Variants in EDAR observed in about 807,000 individuals in gnomAD.
EDAR encodes the protein ectodysplasin A receptor, also known as tumor necrosis factor receptor superfamily member EDAR.
In EDAR, 38 loss-of-function variants were observed where a neutral mutation model predicts 51.3. The ratio of observed to expected loss-of-function variants is 0.74; its 90% CI spans 0.57 to 0.97. EDAR has a LOEUF of 0.97. Among genes scored for constraint, EDAR ranks in the 50% least tolerant of loss-of-function variants. EDAR has a pLI of 0.00. For synonymous variants in EDAR, 227 were observed against 242.1 expected, an observed-to-expected ratio of 0.94 and a Z score of 0.58; for missense variants, 528 against 595.0, an observed-to-expected ratio of 0.89 and a Z score of 1.17.
At chr2:108,970,869 C>T (rs908452467) in intron 1 of EDAR, among the ~76,000 whole-genome samples, 1 of 152,160 alleles carries the variant, frequency 6.6e-6, no homozygotes, top group Admixed American at 6.5e-5. Flanking sequence ...GGGGAATAGT[C>T]TACAGGACTG....
At chr2:108,904,379 A>G (rs778159436) in intron 11 of EDAR, among the ~76,000 whole-genome samples, 14 of 152,234 alleles carry the variant, frequency 9.2e-5, no homozygotes, top group Non-Finnish European at 1.9e-4. Context: ...AAAATGGTAC[A>G]ATAACTTTAG....
intron 4 of EDAR, 51 bp from the exon 5 acceptor site, chr2:108,923,504 C>T (rs767913764): frequency 3.9e-6 from 6 of 1,555,838 alleles, no homozygotes; most frequent in South Asian, 1.1e-5. Flanking sequence ...GGACAGCACA[C>T]AGGCAGGGAC....
At chr2:108,908,372 T>G (rs375443545) in intron 9 of EDAR, among the ~76,000 whole-genome samples, 7 of 152,208 alleles carry the variant, frequency 4.6e-5, no homozygotes, top group African/African-American at 1.7e-4. Context: ...GTCCTAGATC[T>G]CTGTATTTAA....
chr2:108,921,780 G>C (rs1345386306), intron 5 of EDAR, among the ~76,000 whole-genome samples: 1 of 152,224 alleles, frequency 6.6e-6, no homozygotes, highest in East Asian at 1.9e-4. Flanking sequence ...CCACCCCAAG[G>C]CCTATCTGGC....
At chr2:108,931,075 C>T in intron 1 of EDAR, 43 bp from the exon 2 acceptor site, 1 of 1,563,794 alleles carries the variant, frequency 6.4e-7, no homozygotes, top group Non-Finnish European at 8.8e-7. Flanking sequence ...CGGTAGCACC[C>T]CAGCCGGGGG....
intron 1 of EDAR, among the ~76,000 whole-genome samples, chr2:108,972,627 G>A (rs1698256518): frequency 6.6e-6 from 1 of 152,270 alleles, no homozygotes; most frequent in Non-Finnish European, 1.5e-5. Flanking sequence ...GCACAAGGGT[G>A]ACGGGTGTCT....
At chr2:108,918,624 G>A (rs1443942836) in intron 5 of EDAR, among the ~76,000 whole-genome samples, 3 of 152,272 alleles carry the variant, frequency 2.0e-5, no homozygotes, top group East Asian at 1.9e-4. Context: ...CGTGGAGTTC[G>A]AGGCAGTGGT....
At chr2:108,904,543 C>T (rs769126369) in intron 11 of EDAR, among the ~76,000 whole-genome samples, 13 of 151,554 alleles carry the variant, frequency 8.6e-5, no homozygotes, top group Non-Finnish European at 1.6e-4. Context: ...TCATAATAGC[C>T]GTTAAGTGGA....
At chr2:108,980,494 A>T (rs981253093) in intron 1 of EDAR, among the ~76,000 whole-genome samples, 1 of 151,878 alleles carries the variant, frequency 6.6e-6, no homozygotes, top group African/African-American at 2.4e-5. Context: ...TATAATACTT[A>T]TGTGATATTA....
At chr2:108,943,344 G>C (rs1292690149) in intron 1 of EDAR, among the ~76,000 whole-genome samples, 1 of 152,164 alleles carries the variant, frequency 6.6e-6, no homozygotes, top group African/African-American at 2.4e-5. Context: ...CTCAGAGCTT[G>C]GGGATCAGAG....
chr2:108,910,077 C>T (rs1032004609), intron 9 of EDAR, among the ~76,000 whole-genome samples: 1 of 152,218 alleles, frequency 6.6e-6, no homozygotes, highest in Non-Finnish European at 1.5e-5. Flanking sequence ...ACCAGCATTA[C>T]GGTGGCAGCA....
rs72937979 is a variant in EDAR, at chr2:108,940,355, C to T, written c.-18-9323G>A. ...AAGGGGAAGGTGCAGGGAGGGAGGA[C>T]GTATGGGGGCTGGCAAAGCACGTGT... On this transcript the variant is annotated intron_variant, in intron 1 of 11. Transcript: ENST00000258443. The T allele has an allele frequency of 7.7e-3, 1,167 of 152,458 alleles. 15 individuals carry two copies. Among genetic ancestry groups the T allele is most frequent in the African/African-American group, 0.026 (1,063 of 41,578 alleles). 9.4% of individuals were successfully genotyped at this position (152,458 alleles called of 1,614,324 possible).
At chr2:108,965,478 A>AG (rs1553454299) in intron 1 of EDAR, among the ~76,000 whole-genome samples, 7 of 151,602 alleles carry the variant, frequency 4.6e-5, no homozygotes, top group African/African-American at 1.7e-4. Flanking sequence ...AAAAAAAAAA[A>AG]AGATAATAAA....
intron 1 of EDAR, among the ~76,000 whole-genome samples, chr2:108,936,441 A>C (rs1158309171): frequency 2.0e-5 from 3 of 151,584 alleles, no homozygotes; most frequent in Non-Finnish European, 4.4e-5. Flanking sequence ...AGGTGCTGGC[A>C]ACTGCCTGTG....
intron 4 of EDAR, among the ~76,000 whole-genome samples, chr2:108,924,679 G>T (rs183118371): frequency 6.6e-6 from 1 of 152,096 alleles, no homozygotes; most frequent in Non-Finnish European, 1.5e-5. Context: ...GACCATAATT[G>T]CCTGCCCTCC....
At chr2:108,940,859 G>A (rs1697580077) in intron 1 of EDAR, among the ~76,000 whole-genome samples, 1 of 152,202 alleles carries the variant, frequency 6.6e-6, no homozygotes, top group Admixed American at 6.5e-5. Context: ...TCAGATGATA[G>A]TTTTAAAACT....
intron 1 of EDAR, among the ~76,000 whole-genome samples, chr2:108,975,491 G>A (rs559400890): frequency 6.6e-6 from 1 of 152,294 alleles, no homozygotes; most frequent in African/African-American, 2.4e-5. Context: ...CCTAGCCTGG[G>A]TCAACCCGCG....
intron 1 of EDAR, among the ~76,000 whole-genome samples, chr2:108,941,443 G>A (rs1350356586): frequency 1.3e-5 from 2 of 152,126 alleles, no homozygotes; most frequent in South Asian, 2.1e-4. Flanking sequence ...AGGGCAAGGC[G>A]GAGGCACTGA....
At chr2:108,934,837 TTTAA>T (rs879823968) in intron 1 of EDAR, among the ~76,000 whole-genome samples, 13 of 152,192 alleles carry the variant, frequency 8.5e-5, no homozygotes, top group Non-Finnish European at 1.5e-4. Flanking sequence ...GGATTAAGTT[TTTAA>T]CACATAAACT....
Sources: gnomAD v4.1 joint callset for allele counts (sites outside exome capture counted in the v4.1 genomes callset) on GRCh38, gnomAD v4.1.1 for gene constraint, MANE v1.5 for transcripts, NCBI Gene and HGNC (gene_info 2026-07-23, HGNC 2026-07-21) for gene names.